DMD: variants seen among roughly 807,000 people sequenced by gnomAD.
The protein encoded by DMD is dystrophin.
Under a neutral mutation model 330.1 loss-of-function variants are expected in DMD, and 63 were observed. The observed-to-expected ratio is 0.19, with a 90% confidence interval of 0.16 to 0.24. DMD has a LOEUF of 0.24. Ranked by LOEUF, DMD falls within the 10% of genes least tolerant of loss-of-function variation. DMD has a pLI of 1.00. For synonymous variants in DMD, 1,223 were observed against 959.8 expected (o/e 1.27, Z -5.07); for missense variants, 3,344 against 2,684.1 (o/e 1.25, Z -5.43).
chrX:31,245,164 A>T (rs189213908), intron 63 of DMD, among the ~76,000 whole-genome samples: 1 of 112,055 alleles, frequency 8.9e-6, no homozygotes, highest in Admixed American at 9.5e-5. Flanking sequence ...TTTTGCTAAG[A>T]TAACAAATTG....
chrX:33,068,373 G>C (rs970040051), intron 1 of DMD, among the ~76,000 whole-genome samples: 2 of 112,165 alleles, frequency 1.8e-5, no homozygotes, highest in African/African-American at 3.2e-5. Context: ...TAACAGCCAG[G>C]AGAAAGAACA....
At chrX:32,235,801 C>T (rs150500323) in intron 43 of DMD, among the ~76,000 whole-genome samples, 37 of 110,979 alleles carry the variant, frequency 3.3e-4, no homozygotes, top group African/African-American at 1.1e-3. Flanking sequence ...TTAATGAAAT[C>T]GCCCTTAAAT....
intron 7 of DMD, among the ~76,000 whole-genome samples, chrX:32,717,114 T>A: frequency 9.0e-6 from 1 of 110,921 alleles, no homozygotes. Flanking sequence ...GTGGGGGAAA[T>A]TCAAGCTGTC....
At chrX:31,975,050 A>G (rs2095426044) in intron 44 of DMD, among the ~76,000 whole-genome samples, 1 of 110,184 alleles carries the variant, frequency 9.1e-6, no homozygotes, top group Non-Finnish European at 1.9e-5. Context: ...CTGGGCCAAA[A>G]AGAAAAAATC....
At chrX:32,106,269 AT>A in intron 44 of DMD, among the ~76,000 whole-genome samples, 1 of 111,884 alleles carries the variant, frequency 8.9e-6, no homozygotes, top group South Asian at 3.7e-4. Flanking sequence ...TTTAAAAATG[AT>A]TTTTAGTGTA....
rs140791704 is a variant in DMD, at chrX:32,623,280, G to A, written c.1332-8827C>T. 3.4e-3 allele frequency among the ~76,000 whole-genome samples: 384 copies of A among 111,628 alleles called. 8 individuals carry two copies. The highest frequency in any genetic ancestry group is 0.024 in the Admixed American group (255 of 10,495). On this transcript the variant is annotated intron_variant, in intron 11 of 78. Coordinates refer to ENST00000357033, the MANE Select transcript of DMD (RefSeq NM_004006.3). The stretch of plus-strand genomic sequence containing the variant: ...GCAAGGAAGTGAGTAGTGGTCCATT[G>A]CAAGGCTGAACCAGAGGAAGAAGCA...
rs779790035 is a variant in DMD at position 31,210,336 on chromosome X, C to T, written c.9362-637G>A. ...CAGACCTGAGGCTCGCTTATTTCTC[C>T]TTTCACCTTCAAATTGTATTTCATA... On this transcript the variant is annotated intron_variant, in intron 64 of 78. Coordinates refer to ENST00000357033, the MANE Select transcript of DMD (RefSeq NM_004006.3). 4.5e-5 allele frequency among the ~76,000 whole-genome samples: 5 copies of T among 111,899 alleles called. No homozygotes were observed. The South Asian group carries it at 1.9e-3, about 41-fold the overall frequency.
At chrX:31,239,221 G>A (rs1171208136) in intron 63 of DMD, among the ~76,000 whole-genome samples, 1 of 111,837 alleles carries the variant, frequency 8.9e-6, no homozygotes, top group Non-Finnish European at 1.9e-5. Context: ...GTCTCAAGGT[G>A]GGAATGTGGT....
intron 78 of DMD, 66 bp from the exon 79 acceptor site, chrX:31,121,996 T>C (rs1356755652): frequency 2.7e-5 from 23 of 862,083 alleles, no homozygotes; most frequent in Non-Finnish European, 3.6e-5. Flanking sequence ...TCACTCTGTT[T>C]CTTTGCCATT....
rs1010439870 is a variant in DMD, at chrX:31,647,260, T to C, written c.8027+10730A>G. Among the ~76,000 whole-genome samples the C allele has an allele frequency of 7.2e-5, 8 of 111,642 alleles. 1 individual carries two copies. The highest frequency in any genetic ancestry group is 2.0e-4 in the African/African-American group (6 of 30,714). ...TGCCTGAAACCTCCTTCCAAATTGA[T>C]AGGTATCCATTAGACAGCAGTGAAG... On this transcript the variant is annotated intron_variant, in intron 54 of 78. Coordinates refer to ENST00000357033, the MANE Select transcript of DMD (RefSeq NM_004006.3).
chrX:33,005,144 ATTT>A (rs1199759697), intron 2 of DMD, among the ~76,000 whole-genome samples: 1 of 109,673 alleles, frequency 9.1e-6, no homozygotes, highest in Non-Finnish European at 1.9e-5. Flanking sequence ...AATGGCTAAT[ATTT>A]TCAACACAAT....
intron 19 of DMD, among the ~76,000 whole-genome samples, chrX:32,493,011 T>G (rs1569564826): frequency 9.0e-6 from 1 of 111,674 alleles, no homozygotes; most frequent in Non-Finnish European, 1.9e-5. Flanking sequence ...AATTTTCTGG[T>G]AATATAATTT....
At chrX:31,737,014 A>G (rs1202268758) in intron 51 of DMD, among the ~76,000 whole-genome samples, 1 of 112,213 alleles carries the variant, frequency 8.9e-6, no homozygotes, top group Admixed American at 9.5e-5. Context: ...TAAGAACAAT[A>G]AAAGTTTTAA....
chrX:32,670,838 G>A (rs190846865), intron 9 of DMD, among the ~76,000 whole-genome samples: 55 of 111,546 alleles, frequency 4.9e-4, no homozygotes, highest in African/African-American at 1.6e-3. Flanking sequence ...TTCCTGCTAT[G>A]GCAGTAGTGA....
chrX:32,049,702 T>C (rs138138957), intron 44 of DMD, among the ~76,000 whole-genome samples: 424 of 111,682 alleles, frequency 3.8e-3, no homozygotes, highest in South Asian at 0.013. Context: ...TATAGCTCTT[T>C]ACCTCCTCTA....
chrX:31,861,804 G>A (rs1195627271), intron 48 of DMD, among the ~76,000 whole-genome samples: 1 of 95,671 alleles, frequency 1.0e-5, no homozygotes, highest in East Asian at 3.4e-4. Flanking sequence ...TATGAAGGAG[G>A]AAGAAGAGTG....
chrX:32,019,887 T>G (rs1007153376), intron 44 of DMD, among the ~76,000 whole-genome samples: 8 of 112,952 alleles, frequency 7.1e-5, no homozygotes, highest in African/African-American at 1.9e-4. Flanking sequence ...GGGGCTAAGT[T>G]GAATTAATTC....
rs149272927 is a variant in DMD at position 32,766,982 on chromosome X, C to G, written c.649+42511G>C. 5.8e-3 allele frequency among the ~76,000 whole-genome samples: 648 copies of G among 111,554 alleles called. 3 individuals are homozygous for G. Among genetic ancestry groups the G allele is most frequent in the Middle Eastern group, 0.014 (3 of 216 alleles). On this transcript the variant is annotated intron_variant, in intron 7 of 78. Coordinates refer to ENST00000357033, the MANE Select transcript of DMD (RefSeq NM_004006.3). Reference sequence around the variant, plus strand: ...CCAACACCATTTCTCTGATTCAATTCAAGCTGTCCAATGCCGCATTAATAC... The same window carrying G: ...CCAACACCATTTCTCTGATTCAATTGAAGCTGTCCAATGCCGCATTAATAC...
intron 13 of DMD, among the ~76,000 whole-genome samples, chrX:32,593,529 A>G (rs808549): frequency 9.1e-6 from 1 of 110,271 alleles, no homozygotes; most frequent in Non-Finnish European, 1.9e-5. Flanking sequence ...AAAGAGGGAG[A>G]CTGAGATATA....
Sources: gnomAD v4.1 joint callset for allele counts (sites outside exome capture counted in the v4.1 genomes callset) on GRCh38, gnomAD v4.1.1 for gene constraint, MANE v1.5 for transcripts, NCBI Gene and HGNC (gene_info 2026-07-23, HGNC 2026-07-21) for gene names.